STAG1: variants seen among roughly 807,000 people sequenced by gnomAD.
STAG1 encodes STAG1 cohesin complex component.
STAG1 carries 26 observed loss-of-function variants against 170.9 expected under a neutral mutation model. The observed-to-expected ratio is 0.15, with a 90% CI of 0.11 to 0.21. The LOEUF (loss-of-function observed/expected upper bound fraction) is 0.21. Ranked by LOEUF, STAG1 falls within the 10% of genes least tolerant of loss-of-function variation. STAG1 has a pLI of 1.00. For missense variants in STAG1, 964 were observed against 1,509.5 expected, an observed-to-expected ratio of 0.64 and a Z score of 5.99; for synonymous variants, 514 against 497.7, an observed-to-expected ratio of 1.03 and a Z score of -0.44.
At chr3:136,346,318 T>A (rs969401975) in intron 29 of STAG1, among the ~76,000 whole-genome samples, 5 of 152,226 alleles carry the variant, frequency 3.3e-5, no homozygotes, top group African/African-American at 1.2e-4. Flanking sequence ...AGAACTCTCA[T>A]CTTAAATAGA....
intron 9 of STAG1, among the ~76,000 whole-genome samples, chr3:136,485,413 C>T (rs531650649): frequency 2.6e-5 from 4 of 152,132 alleles, no homozygotes; most frequent in Non-Finnish European, 4.4e-5. Context: ...GCCGAGATCA[C>T]GCCACTGCAC....
intron 9 of STAG1, among the ~76,000 whole-genome samples, chr3:136,492,919 CAAT>C (rs1205938955): frequency 6.6e-6 from 1 of 151,922 alleles, no homozygotes; most frequent in Non-Finnish European, 1.5e-5. Flanking sequence ...ATATATATGA[CAAT>C]AATAGCACAA....
chr3:136,532,414 T>A (rs571795603), intron 6 of STAG1, among the ~76,000 whole-genome samples: 1 of 152,296 alleles, frequency 6.6e-6, no homozygotes, highest in South Asian at 2.1e-4. Flanking sequence ...GAGAATTCTC[T>A]CCCTTTAAGT....
At chr3:136,456,778 T>C (rs1488040286) in intron 13 of STAG1, among the ~76,000 whole-genome samples, 3 of 152,196 alleles carry the variant, frequency 2.0e-5, no homozygotes, top group Non-Finnish European at 2.9e-5. Context: ...AATCATATCA[T>C]ATTCAATGGA....
chr3:136,584,569 T>A (rs1398211166), intron 4 of STAG1, among the ~76,000 whole-genome samples: 1 of 152,200 alleles, frequency 6.6e-6, no homozygotes, highest in African/African-American at 2.4e-5. Flanking sequence ...CTTTGTTTCT[T>A]GGTTCAGTGT....
intron 28 of STAG1, among the ~76,000 whole-genome samples, chr3:136,356,957 AT>A (rs1292899996): frequency 7.1e-6 from 1 of 140,988 alleles, no homozygotes; most frequent in Non-Finnish European, 1.6e-5. Context: ...ATTTTATTTT[AT>A]TTTTTTTGAG....
At chr3:136,453,498 G>C (rs1027891037) in intron 13 of STAG1, among the ~76,000 whole-genome samples, 16 of 150,312 alleles carry the variant, frequency 1.1e-4, no homozygotes, top group African/African-American at 3.9e-4. Flanking sequence ...GGCTGAGGCA[G>C]AAGAATGGCA....
intron 1 of STAG1, among the ~76,000 whole-genome samples, chr3:136,714,953 ATATATATATATTTTATATATATATTTT>A (rs1258356142): frequency 3.3e-5 from 3 of 91,016 alleles, no homozygotes; most frequent in Non-Finnish European, 7.2e-5. Context: ...ATATATATAT[ATATATATATATTTTATATATATATTTT>A]TATATATATA....
chr3:136,511,016 C>T (rs1370466407), intron 7 of STAG1, among the ~76,000 whole-genome samples: 1 of 152,142 alleles, frequency 6.6e-6, no homozygotes, highest in Non-Finnish European at 1.5e-5. Flanking sequence ...AAGTAATCCA[C>T]CTGTCTCGGC....
intron 33 of STAG1, 45 bp downstream of exon 33, chr3:136,338,325 G>T (rs1177585048): frequency 1.2e-5 from 19 of 1,583,994 alleles, no homozygotes; most frequent in Non-Finnish European, 1.6e-5. Flanking sequence ...GCATAAACAG[G>T]ACCCAGGAAC....
intron 22 of STAG1, among the ~76,000 whole-genome samples, chr3:136,390,101 GA>G (rs527315339): frequency 9.2e-5 from 14 of 152,060 alleles, no homozygotes; most frequent in Non-Finnish European, 1.9e-4. Context: ...AAATTGCTGG[GA>G]TTAGAGGTGT....
intron 1 of STAG1, among the ~76,000 whole-genome samples, chr3:136,676,811 AC>A (rs1267725401): frequency 6.6e-6 from 1 of 151,766 alleles, no homozygotes; most frequent in Non-Finnish European, 1.5e-5. Context: ...TATTTCTTAG[AC>A]TTTTTTTATT....
At chr3:136,738,781 C>G (rs1934491778) in intron 1 of STAG1, among the ~76,000 whole-genome samples, 1 of 152,132 alleles carries the variant, frequency 6.6e-6, no homozygotes, top group Non-Finnish European at 1.5e-5. Context: ...ATGCTGAGAA[C>G]AGATTTTAAG....
intron 1 of STAG1, among the ~76,000 whole-genome samples, chr3:136,683,531 T>C (rs1266442654): frequency 6.6e-6 from 1 of 152,176 alleles, no homozygotes; most frequent in Non-Finnish European, 1.5e-5. Flanking sequence ...CCCAAAGTGC[T>C]AGGATTACTG....
intron 25 of STAG1, 64 bp downstream of exon 25, chr3:136,366,878 TC>T: frequency 7.3e-7 from 1 of 1,374,522 alleles, no homozygotes; most frequent in Non-Finnish European, 1.0e-6. Context: ...TCTGTCATCA[TC>T]CTTTCAATTG....
intron 12 of STAG1, among the ~76,000 whole-genome samples, chr3:136,469,633 A>G (rs1322713262): frequency 6.6e-6 from 1 of 152,242 alleles, no homozygotes; most frequent in Non-Finnish European, 1.5e-5. Flanking sequence ...GGAAAAAACT[A>G]CATTAAAGTT....
intron 9 of STAG1, 79 bp downstream of exon 9, chr3:136,500,144 T>C: frequency 2.2e-6 from 2 of 918,092 alleles, no homozygotes; most frequent in South Asian, 1.5e-5. Flanking sequence ...TAGTGAGTTT[T>C]ACAGTTAGCC....
At chr3:136,464,184 G>C (rs1012549393) in intron 13 of STAG1, among the ~76,000 whole-genome samples, 2 of 152,040 alleles carry the variant, frequency 1.3e-5, no homozygotes, top group African/African-American at 4.8e-5. Context: ...AGCAGTTTGG[G>C]AGGCTGAGGC....
intron 1 of STAG1, among the ~76,000 whole-genome samples, chr3:136,644,236 G>T (rs556360234): frequency 6.6e-6 from 1 of 152,294 alleles, no homozygotes; most frequent in South Asian, 2.1e-4. Context: ...AAACTTTGAG[G>T]ATGGTTCAAG....
Sources: allele counts gnomAD v4.1 joint callset (sites outside exome capture counted in the v4.1 genomes callset), GRCh38; gene constraint gnomAD v4.1.1; transcripts MANE v1.5; gene names NCBI Gene and HGNC (gene_info 2026-07-23, HGNC 2026-07-21).